Variants in WDR72 observed in about 807,000 individuals in gnomAD.
WDR72 encodes WD repeat-containing protein 72.
A neutral mutation model predicts 124.2 loss-of-function variants in WDR72; 120 were observed. The observed-to-expected ratio is 0.97, with a 90% CI of 0.83 to 1.12. WDR72 has a LOEUF of 1.12. Among genes scored for constraint, WDR72 ranks in the 50% most tolerant of loss-of-function variants. The pLI is 0.00. For synonymous variants in WDR72, 452 were observed against 441.7 expected, an observed-to-expected ratio of 1.02 and a Z score of -0.29; for missense variants, 1,387 against 1,278.8, an observed-to-expected ratio of 1.08 and a Z score of -1.29.
At chr15:53,664,205 AT>A (rs1229645315) in intron 14 of WDR72, among the ~76,000 whole-genome samples, 1 of 152,110 alleles carries the variant, frequency 6.6e-6, no homozygotes. Context: ...CTCTGACTCC[AT>A]TTCCATCAAG....
intron 14 of WDR72, among the ~76,000 whole-genome samples, chr15:53,659,767 A>G (rs1361075234): frequency 6.6e-6 from 1 of 152,214 alleles, no homozygotes; most frequent in East Asian, 1.9e-4. Flanking sequence ...AAAATTATCT[A>G]TAAAACTCTT....
chr15:53,745,862 G>A (rs924523308), intron 1 of WDR72, among the ~76,000 whole-genome samples: 3 of 152,096 alleles, frequency 2.0e-5, no homozygotes, highest in African/African-American at 2.4e-5. Flanking sequence ...ATGAGTGGCC[G>A]AGACAGAAAC....
chr15:53,547,277 C>A (rs772899381), intron 18 of WDR72, among the ~76,000 whole-genome samples: 2 of 152,222 alleles, frequency 1.3e-5, no homozygotes, highest in Admixed American at 6.5e-5. Flanking sequence ...GGATTACAGG[C>A]ATGTGCCACC....
chr15:53,716,043 A>G (rs907290149), intron 4 of WDR72, among the ~76,000 whole-genome samples: 4 of 152,218 alleles, frequency 2.6e-5, no homozygotes, highest in African/African-American at 9.7e-5. Context: ...CATGAATGTT[A>G]CAATGCACAT....
At chr15:53,625,326 G>GC (rs1383309379) in intron 14 of WDR72, among the ~76,000 whole-genome samples, 12 of 152,168 alleles carry the variant, frequency 7.9e-5, no homozygotes, top group Admixed American at 2.0e-4. Context: ...CCCAACATGT[G>GC]ATTTCCAGGT....
At chr15:53,734,964 C>A (rs1479818984) in intron 1 of WDR72, among the ~76,000 whole-genome samples, 1 of 151,954 alleles carries the variant, frequency 6.6e-6, no homozygotes, top group Admixed American at 6.6e-5. Context: ...ACACTACAGA[C>A]CTATTTGAAT....
chr15:53,733,041 G>A lies in WDR72; in HGVS notation c.109C>T (p.Gln37Ter), dbSNP rs1322416331. ...TTCCAGAGACAGAGCTGACCCTCTT[G>A]ACTTCCAGTCACAATCGTTCGCTGG... ...DDQRTIVTGS[Q>*]EGQLCLWNLS... The change falls in exon 2 of 20, where the codon CAA becomes TAA. Residue 37 changes from glutamine (Q) to a stop codon, truncating the protein, a stop_gained. Coordinates refer to ENST00000360509, the MANE Select transcript of WDR72 (RefSeq NM_182758.4). LOFTEE classifies it high-confidence loss of function. 6.2e-7 allele frequency: 1 copy of A among 1,614,040 alleles called. No homozygotes were observed. Among genetic ancestry groups the A allele is most frequent in the Non-Finnish European group, 8.5e-7 (1 of 1,179,968 alleles).
At chr15:53,759,202 A>C (rs1375143933) in intron 1 of WDR72, 2 of 152,058 alleles carry the variant, frequency 1.3e-5, no homozygotes, top group South Asian at 2.1e-4. Context: ...TTTTAAAAAT[A>C]AATAAATAAA....
rs375220009 is a variant in WDR72 at position 53,706,101 on chromosome 15, G to A, written c.955-27C>T. 1.1e-4 allele frequency: 185 copies of A among 1,612,918 alleles called. No individual in the cohort carries two copies. The African/African-American group carries it at 2.0e-3, about 18-fold the overall frequency. On this transcript the variant is annotated intron_variant, in intron 9 of 19. Coordinates refer to ENST00000360509, the MANE Select transcript of WDR72 (RefSeq NM_182758.4). ...TAAACAAAAAGTGAGCTTTTATGTA[G>A]GAAATATTCTAACTAGAGAGAGATG...
chr15:53,707,548 A>G (rs1394474651), intron 9 of WDR72, among the ~76,000 whole-genome samples: 10 of 151,742 alleles, frequency 6.6e-5, no homozygotes, highest in Non-Finnish European at 1.3e-4. Context: ...CAGGGTTCAC[A>G]CCATTCTCCT....
chr15:53,651,135 T>A (rs570856582), intron 14 of WDR72, among the ~76,000 whole-genome samples: 1 of 152,118 alleles, frequency 6.6e-6, no homozygotes, highest in Non-Finnish European at 1.5e-5. Context: ...TTTGACTTCA[T>A]TGTCTACATC....
chr15:53,559,385 G>T (rs894132984), intron 18 of WDR72, among the ~76,000 whole-genome samples: 8 of 152,010 alleles, frequency 5.3e-5, no homozygotes, highest in Admixed American at 3.9e-4. Context: ...GTGAAGATCA[G>T]TCTCCCCAAC....
At chr15:53,628,989 G>A (rs901080042) in intron 14 of WDR72, among the ~76,000 whole-genome samples, 9 of 152,108 alleles carry the variant, frequency 5.9e-5, no homozygotes, top group African/African-American at 2.2e-4. Context: ...GAGGCTAAAT[G>A]TCAGGCCATT....
chr15:53,621,094 A>G (rs2140376588), intron 14 of WDR72, among the ~76,000 whole-genome samples: 1 of 152,172 alleles, frequency 6.6e-6, no homozygotes, highest in East Asian at 1.9e-4. Flanking sequence ...CAAAACCACA[A>G]TGCAATACCA....
chr15:53,534,843 C>A (rs1445094289), intron 18 of WDR72, among the ~76,000 whole-genome samples: 1 of 152,054 alleles, frequency 6.6e-6, no homozygotes, highest in Middle Eastern at 3.4e-3. Context: ...TCCTATTACA[C>A]GACAGATTTC....
chr15:53,685,052 C>G (rs551992626), intron 13 of WDR72, among the ~76,000 whole-genome samples: 1 of 152,092 alleles, frequency 6.6e-6, no homozygotes, highest in African/African-American at 2.4e-5. Flanking sequence ...ACACCAAAAA[C>G]CCATCTGTAC....
At chr15:53,521,518 G>T (rs1467702704) in intron 19 of WDR72, among the ~76,000 whole-genome samples, 2 of 152,066 alleles carry the variant, frequency 1.3e-5, no homozygotes, top group Non-Finnish European at 2.9e-5. Context: ...CCGATGTATA[G>T]AACGGTACTC....
chr15:53,651,189 T>A (rs1567005650), intron 14 of WDR72, among the ~76,000 whole-genome samples: 1 of 152,148 alleles, frequency 6.6e-6, no homozygotes, highest in Admixed American at 6.5e-5. Flanking sequence ...CTGTTTGCTT[T>A]CCTTAGAATA....
At chr15:53,637,624 T>G (rs1487712140) in intron 14 of WDR72, among the ~76,000 whole-genome samples, 2 of 152,190 alleles carry the variant, frequency 1.3e-5, no homozygotes, top group East Asian at 3.8e-4. Context: ...CTCTGACTGA[T>G]GCCCTGCATG....
Sources: gnomAD v4.1 joint callset for allele counts (sites outside exome capture counted in the v4.1 genomes callset) on GRCh38, gnomAD v4.1.1 for gene constraint, MANE v1.5 for transcripts, NCBI Gene and HGNC (gene_info 2026-07-23, HGNC 2026-07-21) for gene names.